The following PLCH1 variants were observed in gnomAD, a reference collection of about 807,000 sequenced individuals.
PLCH1 encodes the protein phospholipase C eta 1.
PLCH1 carries 60 observed loss-of-function variants against 126.7 expected under a neutral mutation model. The observed-to-expected ratio is 0.47, with a 90% CI of 0.38 to 0.59. The LOEUF (loss-of-function observed/expected upper bound fraction) is 0.59. Ranked by LOEUF, PLCH1 falls within the 20% of genes least tolerant of loss-of-function variation. PLCH1 has a pLI of 0.00. For synonymous variants in PLCH1, 719 were observed against 734.9 expected (o/e 0.98, Z 0.35); for missense variants, 1,723 against 2,040.0 (o/e 0.84, Z 2.99).
At chr3:155,692,724 C>T (rs544118266) in intron 2 of PLCH1, among the ~76,000 whole-genome samples, 47 of 151,810 alleles carry the variant, frequency 3.1e-4, no homozygotes, top group East Asian at 2.0e-4. Context: ...TCCTCATTAG[C>T]GAAATGAGGA....
intron 11 of PLCH1, among the ~76,000 whole-genome samples, chr3:155,515,135 C>A (rs1281551340): frequency 6.6e-6 from 1 of 152,140 alleles, no homozygotes; most frequent in Non-Finnish European, 1.5e-5. Flanking sequence ...TCCTCAGGAA[C>A]CTTATAAGTA....
intron 2 of PLCH1, among the ~76,000 whole-genome samples, chr3:155,602,903 A>G (rs781316350): frequency 1.4e-4 from 21 of 152,210 alleles, no homozygotes; most frequent in Non-Finnish European, 2.4e-4. Context: ...ATACCTGCAT[A>G]TATTTCCTTG....
At chr3:155,465,568 A>G (rs922027486) in intron 21 of PLCH1, among the ~76,000 whole-genome samples, 3 of 151,956 alleles carry the variant, frequency 2.0e-5, no homozygotes, top group African/African-American at 7.3e-5. Flanking sequence ...TGTGGTGGCT[A>G]TGGGCAAACT....
intron 10 of PLCH1, 125 bp downstream of exon 10, chr3:155,549,662 T>A: frequency 1.5e-6 from 1 of 685,818 alleles, no homozygotes. Flanking sequence ...CATACATAGA[T>A]CTAGACAATC....
chr3:155,572,260 G>T (rs929375880), intron 6 of PLCH1, among the ~76,000 whole-genome samples: 3 of 152,012 alleles, frequency 2.0e-5, no homozygotes, highest in Admixed American at 2.0e-4. Context: ...TGTGTGCTCT[G>T]GTGTATTTGT....
In PLCH1 at chr3:155,570,838, T is replaced by C. The variant is rs138572366; in HGVS notation, c.772-2514A>G. 1.5e-3 allele frequency among the ~76,000 whole-genome samples: 235 copies of C among 152,354 alleles called. 2 individuals are homozygous for C. The highest frequency in any genetic ancestry group is 5.3e-3 in the African/African-American group (220 of 41,588). On this transcript the variant is annotated intron_variant, in intron 6 of 22. Coordinates refer to ENST00000460012, the MANE Select transcript of PLCH1 (RefSeq NM_014996.4). ...AATGCTTACTTTTAAAACTGATAGG[T>C]GTTTTTAATTTCAATATAACTGAAA... is the stretch of plus-strand genomic sequence containing the variant.
At chr3:155,712,040 TTTTTG>T (rs1747158861) in intron 1 of PLCH1, among the ~76,000 whole-genome samples, 1 of 152,192 alleles carries the variant, frequency 6.6e-6, no homozygotes, top group Non-Finnish European at 1.5e-5. Context: ...TACATTCTCT[TTTTTG>T]TTTTATTTAG....
intron 10 of PLCH1, among the ~76,000 whole-genome samples, chr3:155,546,946 AC>A (rs1417496947): frequency 7.2e-5 from 10 of 138,516 alleles, no homozygotes; most frequent in African/African-American, 2.4e-4. Flanking sequence ...CTAGAAGAAA[AC>A]CTAGGCATTA....
At chr3:155,527,835 G>C (rs1044888309) in intron 10 of PLCH1, among the ~76,000 whole-genome samples, 1 of 150,420 alleles carries the variant, frequency 6.6e-6, no homozygotes, top group Non-Finnish European at 1.5e-5. Context: ...CAGGAGAATC[G>C]CTTGAACCTG....
At chr3:155,473,914 C>T (rs1440032546) in intron 21 of PLCH1, among the ~76,000 whole-genome samples, 8 of 151,652 alleles carry the variant, frequency 5.3e-5, no homozygotes, top group Admixed American at 4.6e-4. Context: ...ACACTTTATA[C>T]AAAAATCAAT....
intron 9 of PLCH1, among the ~76,000 whole-genome samples, chr3:155,552,359 C>G (rs574480846): frequency 2.6e-5 from 4 of 152,260 alleles, no homozygotes; most frequent in African/African-American, 7.2e-5. Context: ...AGTAACCAAC[C>G]AATTGCAAGA....
At chr3:155,536,309 A>C (rs914901545) in intron 10 of PLCH1, among the ~76,000 whole-genome samples, 3 of 152,224 alleles carry the variant, frequency 2.0e-5, no homozygotes, top group Non-Finnish European at 4.4e-5. Flanking sequence ...CCAAGAAAGG[A>C]TCCAAACCAA....
intron 2 of PLCH1, among the ~76,000 whole-genome samples, chr3:155,629,698 G>C (rs10212593): frequency 6.6e-6 from 1 of 151,534 alleles, no homozygotes; most frequent in African/African-American, 2.4e-5. Flanking sequence ...AAATGGTCAA[G>C]TAGACGTCTC....
chr3:155,533,667 T>C (rs1352270020), intron 10 of PLCH1, among the ~76,000 whole-genome samples: 1 of 152,192 alleles, frequency 6.6e-6, no homozygotes, highest in Non-Finnish European at 1.5e-5. Context: ...GGAAAATGTC[T>C]ACAGGACATG....
At position 155,545,107 on chromosome 3, in the gene PLCH1, T is replaced by C. The variant is rs1265009220; in HGVS notation, c.1362+4680A>G. 2.6e-5 allele frequency among the ~76,000 whole-genome samples: 4 copies of C among 151,984 alleles called. No individual in the cohort carries two copies. In the East Asian group the frequency reaches 5.8e-4, roughly 22 times the overall value. On this transcript the variant is annotated intron_variant, in intron 10 of 22. Coordinates refer to ENST00000460012, the MANE Select transcript of PLCH1 (RefSeq NM_014996.4). ...AATTAATGAATCCAGGAGCTGGTTT[T>C]TTGAAAAGATCAACAAAATTGATAG... is the stretch of plus-strand genomic sequence containing the variant.
chr3:155,691,399 C>A (rs397231), intron 2 of PLCH1, among the ~76,000 whole-genome samples: 58,702 of 151,642 alleles, frequency 0.39, 11,791 homozygotes, highest in East Asian at 0.54. Context: ...TAGCAACAAC[C>A]GTCTCAAATT....
intron 2 of PLCH1, among the ~76,000 whole-genome samples, chr3:155,692,037 A>G (rs1308459550): frequency 6.6e-6 from 1 of 152,152 alleles, no homozygotes; most frequent in Non-Finnish European, 1.5e-5. Flanking sequence ...CTAAAAAAAA[A>G]AAAAAATTAG....
intron 2 of PLCH1, among the ~76,000 whole-genome samples, chr3:155,604,846 A>G (rs1367632875): frequency 6.6e-6 from 1 of 152,220 alleles, no homozygotes; most frequent in African/African-American, 2.4e-5. Context: ...AAACTGGTTA[A>G]GAGAATGATA....
At chr3:155,564,111 T>C (rs541368188) in intron 8 of PLCH1, among the ~76,000 whole-genome samples, 64 of 151,530 alleles carry the variant, frequency 4.2e-4, no homozygotes, top group Non-Finnish European at 6.8e-4. Flanking sequence ...CCATGCCTGG[T>C]TTATATTATT....
Sources: gnomAD v4.1 joint callset for allele counts (sites outside exome capture counted in the v4.1 genomes callset) on GRCh38, gnomAD v4.1.1 for gene constraint, MANE v1.5 for transcripts, NCBI Gene and HGNC (gene_info 2026-07-23, HGNC 2026-07-21) for gene names.